KCP: variants seen among roughly 807,000 people sequenced by gnomAD.
KCP encodes the protein kielin/chordin-like protein.
A neutral mutation model predicts 212.7 loss-of-function variants in KCP; 194 were observed. The observed-to-expected ratio is 0.91, with a 90% CI of 0.81 to 1.03. The LOEUF (loss-of-function observed/expected upper bound fraction) is 1.03. Ranked by LOEUF, KCP falls within the 50% of genes least tolerant of loss-of-function variation. KCP has a pLI of 0.00. For synonymous variants in KCP, 833 were observed against 865.3 expected, an observed-to-expected ratio of 0.96 and a Z score of 0.65; for missense variants, 2,080 against 2,162.5, an observed-to-expected ratio of 0.96 and a Z score of 0.76.
chr7:128,891,129 G>C (rs1488026506), intron 19 of KCP, 33 bp from the exon 20 acceptor site: 4 of 1,528,844 alleles, frequency 2.6e-6, no homozygotes, highest in Non-Finnish European at 3.5e-6. Context: ...AGGGGCCCAG[G>C]AACAGGCCTC....
chr7:128,906,322 T>A lies in KCP; in HGVS notation c.528A>T (p.Gly176=), dbSNP rs763388869. ...AGCATGCTCCTGGCTCAGGGCAGGG[T>A]CCTCTTGGGCATGGCTTCTGGTTGC... The part of the protein sequence containing the change: ...ITCNQKPCPR[G]PCPEPGACCP... Residue 176 remains glycine (G), a synonymous_variant, in exon 5 of 40, where the codon GGA becomes GGT. Coordinates refer to ENST00000610776, the MANE Select transcript of KCP (RefSeq NM_001366122.1). The A allele has an allele frequency of 5.2e-5, 80 of 1,550,390 alleles. No individual in the cohort carries two copies. Among genetic ancestry groups the A allele is most frequent in the Non-Finnish European group, 1.6e-5 (18 of 1,146,950 alleles).
chr7:128,882,271 C>A (rs1253920342), intron 29 of KCP, among the ~76,000 whole-genome samples: 1 of 152,176 alleles, frequency 6.6e-6, no homozygotes, highest in Non-Finnish European at 1.5e-5. Flanking sequence ...ACAGACCAAC[C>A]ATGGCTTCCT....
At chr7:128,904,783 C>G (rs577103360) in intron 5 of KCP, among the ~76,000 whole-genome samples, 1 of 152,224 alleles carries the variant, frequency 6.6e-6, no homozygotes, top group South Asian at 2.1e-4. Flanking sequence ...GCACCATTCA[C>G]GTGACAGACA....
At chr7:128,885,031 C>A in intron 27 of KCP, 66 bp downstream of exon 27, 1 of 1,538,868 alleles carries the variant, frequency 6.5e-7, no homozygotes, top group South Asian at 1.2e-5. Flanking sequence ...GGCCCAGCAG[C>A]GGCAGGGAGG....
In KCP at chr7:128,876,962, C is replaced by G. The variant is rs1793023413; in HGVS notation, c.*81G>C. 4 of 1,472,856 alleles carry G rather than the reference C, an allele frequency of 2.7e-6. No individual in the cohort carries two copies. The African/African-American group carries it at 5.8e-5, about 21-fold the overall frequency. 91.2% of individuals were successfully genotyped at this position (1,472,856 alleles called of 1,614,324 possible). A position where few individuals can be genotyped will look rare whatever the true frequency, so the allele number is the denominator to read the frequency against. On this transcript the variant is annotated 3_prime_UTR_variant, in exon 40 of 40. Coordinates refer to ENST00000610776, the MANE Select transcript of KCP (RefSeq NM_001366122.1). ...CCAGTGTCCAGGCAGGGCATTCTCT[C>G]CATAGCCCTAACCAGGGTGGGAACT...
At chr7:128,880,869 G>A (rs766323215) in intron 32 of KCP, 128 bp downstream of exon 32, 21 of 399,672 alleles carry the variant, frequency 5.3e-5, no homozygotes, top group African/African-American at 2.1e-4. Context: ...TCCAGCCTTC[G>A]GCTCCATGCC....
chr7:128,894,256 C>T lies in KCP; in HGVS notation c.869G>A (p.Ser290Asn). The stretch of plus-strand genomic sequence containing the variant: ...GGGCCGGGCTGGGTATGGACACAGG[C>T]TGGCACATTCTCGCTGGCGGCACTG... ...HIQCRQRECA[S>N]LCPYPARPLP... The change falls in exon 9 of 40, where the codon AGC becomes AAC. Residue 290 changes from serine to asparagine, a missense_variant. By Grantham distance (46) the Ser-to-Asn change is conservative. Coordinates refer to ENST00000610776, the MANE Select transcript of KCP (RefSeq NM_001366122.1). The T allele has an allele frequency of 1.9e-6, 3 of 1,544,762 alleles. No homozygotes were observed. Among genetic ancestry groups the T allele is most frequent in the Non-Finnish European group, 2.6e-6 (3 of 1,142,522 alleles).
chr7:128,907,452 T>A lies in KCP; in HGVS notation c.221A>T (p.Asn74Ile), dbSNP rs1795184519. 1 of 1,479,322 alleles carries A rather than the reference T, an allele frequency of 6.8e-7. No individual in the cohort carries two copies. The highest frequency in any genetic ancestry group is 1.3e-5 in the South Asian group (1 of 75,784). The allele number at this position is 1,479,322 out of a possible 1,614,324, so 91.6% of individuals were successfully genotyped here. ...EAAVMELREQ[N>I]KDLQTRVRQL... Reference sequence around the variant, plus strand: ...CCTCACCCTCGTCTGCAGGTCCTTATTCTGGAGGAAGGAGATGGAATAGCA... The same window carrying A: ...CCTCACCCTCGTCTGCAGGTCCTTAATCTGGAGGAAGGAGATGGAATAGCA... The change falls in exon 3 of 40, where the codon AAT becomes ATT. Residue 74 changes from asparagine (N) to isoleucine (I), a missense_variant and splice_region_variant. By Grantham distance (149) the Asn-to-Ile change is moderately radical. Coordinates refer to ENST00000610776, the MANE Select transcript of KCP (RefSeq NM_001366122.1).
At chr7:128,899,491 A>T (rs2128949286) in intron 8 of KCP, among the ~76,000 whole-genome samples, 1 of 152,366 alleles carries the variant, frequency 6.6e-6, no homozygotes, top group East Asian at 1.9e-4. Flanking sequence ...GTTCATGAGT[A>T]TCAAACAGAA....
At chr7:128,890,811 G>A in intron 20 of KCP, 94 bp downstream of exon 20, 2 of 1,091,342 alleles carry the variant, frequency 1.8e-6, no homozygotes, top group Non-Finnish European at 2.5e-6. Flanking sequence ...CGTGGGCGGA[G>A]CGGGCCTGGA....
Position 128,878,675 on chromosome 7 carries a change from G to A in KCP, c.4194C>T (p.Ser1398=), listed in dbSNP as rs1458025171. ...AGAGCCCACAAGTCCGGCCCTGGTA[G>A]GAGCCAGGTACGCTCACCTCCACCT... ...QSQVEVSVPG[S]YQGRTCGLCG... The change falls in exon 38 of 40, where the codon TCC becomes TCT. Residue 1398 remains serine (S), a synonymous_variant. Coordinates refer to ENST00000610776, the MANE Select transcript of KCP (RefSeq NM_001366122.1). 13 of 1,551,116 alleles carry A rather than the reference G, an allele frequency of 8.4e-6. No individual in the cohort carries two copies. The African/African-American group carries it at 1.8e-4, about 21-fold the overall frequency.
rs1160956267 is a variant in KCP at position 128,877,797 on chromosome 7, G to A, written c.4312-7C>T. ...GCCACAGCCCCTCTGAGACCTGGGT[G>A]GGGAGAGCAGCCCTGACGTGACAGC... On this transcript the variant is annotated splice_region_variant and splice_polypyrimidine_tract_variant and intron_variant, in intron 38 of 39. Transcript: ENST00000610776. The A allele has an allele frequency of 2.6e-6, 4 of 1,542,450 alleles. No homozygotes were observed. The highest frequency in any genetic ancestry group is 3.5e-6 in the Non-Finnish European group (4 of 1,142,252).
chr7:128,903,004 TC>T, intron 7 of KCP, 145 bp from the exon 8 acceptor site: 1 of 657,498 alleles, frequency 1.5e-6, no homozygotes, highest in Non-Finnish European at 2.7e-6. Context: ...CTGCCTAGAT[TC>T]CCCAGTGGCT....
chr7:128,888,727 G>C, intron 22 of KCP, 136 bp downstream of exon 22: 1 of 832,508 alleles, frequency 1.2e-6, no homozygotes, highest in South Asian at 1.7e-5. Context: ...CTCTATCAAA[G>C]GTGAGGGAGT....
intron 21 of KCP, among the ~76,000 whole-genome samples, chr7:128,889,327 G>A (rs950130943): frequency 2.6e-5 from 4 of 152,208 alleles, no homozygotes; most frequent in Non-Finnish European, 5.9e-5. Context: ...TAAATACTCA[G>A]CAGGCCATTG....
chr7:128,881,957 A>G lies in KCP; in HGVS notation c.3304T>C (p.Cys1102Arg), dbSNP rs1793361066. Residue 1102 changes from cysteine (C) to arginine (R), a missense_variant, in exon 30 of 40, where the codon TGC (cysteine) becomes CGC (arginine). Physicochemically the swap from Cys to Arg is radical, Grantham distance 180 (BLOSUM62 -3). Transcript: ENST00000610776. ...CTCACCTGGCACTGGCACGTGTAGC[A>G]GGGGTCTGGTGGGGCTAGCTCAGAT... ...LGSELAPPDPCYTCQCQDLTW... is the reference protein window; with the variant it reads ...LGSELAPPDPRYTCQCQDLTW... 3 of 1,551,286 alleles carry G rather than the reference A, an allele frequency of 1.9e-6. No homozygotes were observed. Among genetic ancestry groups the G allele is most frequent in the East Asian group, 4.9e-5 (2 of 40,930 alleles).
In KCP at chr7:128,906,287, C is replaced by A; in HGVS notation, c.563G>T (p.Cys188Phe). The change falls in exon 5 of 40, where the codon TGT becomes TTT. Residue 188 changes from cysteine (C) to phenylalanine (F), a missense_variant. Physicochemically the swap from Cys to Phe is radical, Grantham distance 205. Transcript: ENST00000610776. ...CPEPGACCPH[C>F]KPGCDYEGQL... ...ACTGGCAGGAGGCTGACCTGGCTTA[C>A]AGTGCGGGCAGCATGCTCCTGGCTC... 1 of 1,550,968 alleles carries A rather than the reference C, an allele frequency of 6.4e-7. No individual in the cohort carries two copies. Among genetic ancestry groups the A allele is most frequent in the Non-Finnish European group, 8.7e-7 (1 of 1,146,650 alleles).
Position 128,887,240 on chromosome 7 carries a change from G to T in KCP, c.2573C>A (p.Pro858His), listed in dbSNP as rs992419215. ...SGETLPDPLD[P>H]TCSLCTCQEG... The stretch of plus-strand genomic sequence containing the variant: ...CTGGCAGGTGCAGAGGGAGCAGGTA[G>T]GGTCAAGTGGGTCAGGAAGGGTCTC... The change falls in exon 23 of 40, where the codon CCT becomes CAT. Residue 858 changes from proline to histidine, a missense_variant. By Grantham distance (77) the Pro-to-His change is moderately conservative (BLOSUM62 -2). Transcript: ENST00000610776. The T allele has an allele frequency of 1.3e-6, 2 of 1,551,500 alleles. No homozygotes were observed. Among genetic ancestry groups the T allele is most frequent in the South Asian group, 2.4e-5 (2 of 84,066 alleles).
At chr7:128,892,367 T>A in intron 16 of KCP, 147 bp downstream of exon 16, 2 of 600,016 alleles carry the variant, frequency 3.3e-6, no homozygotes. Flanking sequence ...CCACACCCCG[T>A]GAGTTCCAGA....
Sources: allele counts gnomAD v4.1 joint callset (sites outside exome capture counted in the v4.1 genomes callset), GRCh38; gene constraint gnomAD v4.1.1; transcripts MANE v1.5; gene names NCBI Gene and HGNC (gene_info 2026-07-23, HGNC 2026-07-21).